TNKS1BP1: variants seen among roughly 807,000 people sequenced by gnomAD.
TNKS1BP1 encodes the protein 182 kDa tankyrase-1-binding protein.
A neutral mutation model predicts 141.1 loss-of-function variants in TNKS1BP1; 48 were observed. The observed-to-expected ratio is 0.34, with a 90% CI of 0.27 to 0.43. TNKS1BP1 has a LOEUF of 0.43. TNKS1BP1 is among the 20% of genes least tolerant of loss of function. TNKS1BP1 has a pLI of 1.00. For missense variants in TNKS1BP1, 2,149 were observed against 2,226.0 expected (o/e 0.97, Z 0.70); for synonymous variants, 875 against 898.2 (o/e 0.97, Z 0.46).
chr11:57,313,579 G>A lies in TNKS1BP1; in HGVS notation c.1109C>T (p.Pro370Leu), dbSNP rs1855751104. ...ATGGGGCTCCAAGACCTCAGGGGGT[G>A]GGCTGCTGGGTCTGGGGGCCTCTGG... Reference protein sequence around the residue: ...GAPEAPRPSSPPPEVLEPHSL... With the variant: ...GAPEAPRPSSLPPEVLEPHSL... Residue 370 changes from proline (P) to leucine (L), a missense_variant, in exon 5 of 12, where the codon CCA (proline) becomes CTA (leucine). Physicochemically the swap from Pro to Leu is moderately conservative, Grantham distance 98. Transcript: ENST00000358252. 6.3e-7 allele frequency: 1 copy of A among 1,591,448 alleles called. No individual in the cohort carries two copies. Among genetic ancestry groups the A allele is most frequent in the Non-Finnish European group, 8.5e-7 (1 of 1,170,546 alleles).
At chr11:57,304,496 G>A (rs768850046) in intron 6 of TNKS1BP1, among the ~76,000 whole-genome samples, 2 of 152,162 alleles carry the variant, frequency 1.3e-5, no homozygotes, top group South Asian at 4.1e-4. Context: ...GGTGGCAACA[G>A]CACCCCACCC....
At position 57,324,893 on chromosome 11, in the gene TNKS1BP1, GCCGCCGCCGCCGCTGCTA is replaced by G. The variant is rs1266005390; in HGVS notation, c.-137_-120del. The stretch of plus-strand genomic sequence containing the variant: ...GCTCGGGGCCCCGATGCCAGTCCCC[GCCGCCGCCGCCGCTGCTA>G]CCGCCGCCGCCGCCGCCGTCACCGC... On this transcript the variant is annotated 5_prime_UTR_variant, in exon 1 of 12. Coordinates refer to ENST00000358252, the MANE Select transcript of TNKS1BP1 (RefSeq NM_033396.3). 8.2e-6 allele frequency: 8 copies of G among 977,350 alleles called. No individual in the cohort carries two copies. Among genetic ancestry groups the G allele is most frequent in the Admixed American group, 6.3e-5 (1 of 15,960 alleles). The allele number at this position is 977,350 out of a possible 1,614,324, so 60.5% of individuals were successfully genotyped here.
In TNKS1BP1 at chr11:57,302,671, C is replaced by T. The variant is rs1855544946; in HGVS notation, c.4471G>A (p.Ala1491Thr). ...LLEEEGAGAG[A>T]AQEEVLEPGR... Reference sequence around the variant, plus strand: ...GGCTCCAGCACCTCCTCTTGGGCAGCACCTGCCCCGGCTCCTTCCTCCTCC... The same window carrying T: ...GGCTCCAGCACCTCCTCTTGGGCAGTACCTGCCCCGGCTCCTTCCTCCTCC... The change falls in exon 7 of 12, where the codon GCT becomes ACT. Residue 1491 changes from alanine (A) to threonine (T), a missense_variant. Ala to Thr is a moderately conservative substitution (Grantham distance 58). Coordinates refer to ENST00000358252, the MANE Select transcript of TNKS1BP1 (RefSeq NM_033396.3). This position sits in a 1 kb window ranked among gnomAD's most constrained non-coding sequence, Gnocchi z 5.5. 1 of 1,608,186 alleles carries T rather than the reference C, an allele frequency of 6.2e-7. No individual in the cohort carries two copies.
intron 10 of TNKS1BP1, 77 bp downstream of exon 10, chr11:57,300,807 T>TCATCAAA: frequency 6.4e-7 from 1 of 1,562,326 alleles, no homozygotes; most frequent in Non-Finnish European, 8.7e-7. Flanking sequence ...GTTTGCCTCT[T>TCATCAAA]CTGTGAAGTG....
In TNKS1BP1 at chr11:57,321,823, C is replaced by T; in HGVS notation, c.63G>A (p.Glu21=). Residue 21 remains glutamate, a synonymous_variant, in exon 2 of 12, where the codon GAG becomes GAA. Transcript: ENST00000358252. Reference sequence around the variant, plus strand: ...CAGAGCCAGTAGGCACCAGCTCCTCCTCCATCTCCCGGGGCAGTGGGGAAG... The same window carrying T: ...CAGAGCCAGTAGGCACCAGCTCCTCTTCCATCTCCCGGGGCAGTGGGGAAG... ...AMASPLPREM[E]EELVPTGSEP... is the part of the protein sequence containing the mutation. 4 of 1,614,142 alleles carry T rather than the reference C, an allele frequency of 2.5e-6. No homozygotes were observed. The highest frequency in any genetic ancestry group is 3.4e-6 in the Non-Finnish European group (4 of 1,180,028).
At position 57,321,962 on chromosome 11, in the gene TNKS1BP1, GAGAGA is replaced by G; in HGVS notation, c.-65-17_-65-13del. ...GGGTGGCTGCAGACCTAGGAAAAGA[GAGAGA>G]AGAGAAGGAAAAAAAGAGTTGGGCG... On this transcript the variant is annotated splice_polypyrimidine_tract_variant and intron_variant, in intron 1 of 11. Coordinates refer to ENST00000358252, the MANE Select transcript of TNKS1BP1 (RefSeq NM_033396.3). 3 of 1,562,810 alleles carry G rather than the reference GAGAGA, an allele frequency of 1.9e-6. No individual in the cohort carries two copies. Among genetic ancestry groups the G allele is most frequent in the Non-Finnish European group, 2.6e-6 (3 of 1,155,584 alleles).
chr11:57,313,034 G>C lies in TNKS1BP1; in HGVS notation c.1654C>G (p.Leu552Val). Reference sequence around the variant, plus strand: ...CTCTCCCCATCGCCCTTCTGGGTGAGGGACATGCTTGGATCATCCCCCTGC... The same window carrying C: ...CTCTCCCCATCGCCCTTCTGGGTGACGGACATGCTTGGATCATCCCCCTGC... ...WVQGDDPSMS[L>V]TQKGDGESQP... The change falls in exon 5 of 12, where the codon CTC (leucine) becomes GTC (valine). Residue 552 changes from leucine to valine, a missense_variant. By Grantham distance (32) the Leu-to-Val change is conservative. Coordinates refer to ENST00000358252, the MANE Select transcript of TNKS1BP1 (RefSeq NM_033396.3). 3 of 1,613,938 alleles carry C rather than the reference G, an allele frequency of 1.9e-6. No individual in the cohort carries two copies. The highest frequency in any genetic ancestry group is 2.5e-6 in the Non-Finnish European group (3 of 1,180,028).
rs1408372363 is a variant in TNKS1BP1 at position 57,313,150 on chromosome 11, C to G, written c.1538G>C (p.Gly513Ala). The change falls in exon 5 of 12, where the codon GGC (glycine) becomes GCC (alanine). Residue 513 changes from glycine (G) to alanine (A), a missense_variant. Transcript: ENST00000358252. Reference protein sequence around the residue: ...ASEAAEAAEAGNLAVSSREEG... With the variant: ...ASEAAEAAEAANLAVSSREEG... ...TTCCCTGCTGGAAACGGCCAAGTTG[C>G]CAGCCTCAGCAGCCTCGGCGGCCTC... The G allele has an allele frequency of 6.2e-7, 1 of 1,612,934 alleles. No homozygotes were observed. Among genetic ancestry groups the G allele is most frequent in the Non-Finnish European group, 8.5e-7 (1 of 1,180,032 alleles).
chr11:57,301,907 T>A lies in TNKS1BP1; in HGVS notation c.4871A>T (p.Glu1624Val). 6.2e-7 allele frequency: 1 copy of A among 1,613,872 alleles called. No homozygotes were observed. The highest frequency in any genetic ancestry group is 1.7e-5 in the Admixed American group (1 of 59,974). The change falls in exon 9 of 12, where the codon GAG (glutamate) becomes GTG (valine). Residue 1624 changes from glutamate to valine, a missense_variant. Physicochemically the swap from Glu to Val is moderately radical, Grantham distance 121. Coordinates refer to ENST00000358252, the MANE Select transcript of TNKS1BP1 (RefSeq NM_033396.3). ...RASRVPSSDE[E>V]VVEEPQSRRT... ...GCGGCTCTGAGGTTCCTCCACTACC[T>A]CTTCATCTGAAGATGGCACCCGAGA...
At chr11:57,322,254 T>C (rs1855900062) in intron 1 of TNKS1BP1, 4 of 1,057,222 alleles carry the variant, frequency 3.8e-6, no homozygotes, top group Non-Finnish European at 4.6e-6. Flanking sequence ...ACAGTGCCCC[T>C]TGGGTAGGAC....
Position 57,301,093 on chromosome 11 carries a change from C to T in TNKS1BP1, c.4972-52G>A, listed in dbSNP as rs769668765. 1.1e-5 allele frequency: 16 copies of T among 1,521,858 alleles called. No individual in the cohort carries two copies. The Admixed American group carries it at 3.2e-4, about 30-fold the overall frequency. 94.3% of individuals were successfully genotyped at this position (1,521,858 alleles called of 1,614,324 possible). A position where few individuals can be genotyped will look rare whatever the true frequency, so the allele number is the denominator to read the frequency against. On this transcript the variant is annotated intron_variant, in intron 9 of 11. Coordinates refer to ENST00000358252, the MANE Select transcript of TNKS1BP1 (RefSeq NM_033396.3). The stretch of plus-strand genomic sequence containing the variant: ...GATAGTAGAGGGACAGGCAGTAGGA[C>T]TCTCAGGGGGTAAGACCTTATCTCA...
chr11:57,318,377 G>T (rs549881356), intron 3 of TNKS1BP1, among the ~76,000 whole-genome samples: 1 of 152,366 alleles, frequency 6.6e-6, no homozygotes, highest in Admixed American at 6.5e-5. Flanking sequence ...GAAGATGGCG[G>T]GTGGAACCCA....
chr11:57,311,468 C>T lies in TNKS1BP1; in HGVS notation c.2155-912G>A, dbSNP rs533814191. On this transcript the variant is annotated intron_variant, in intron 5 of 11. Coordinates refer to ENST00000358252, the MANE Select transcript of TNKS1BP1 (RefSeq NM_033396.3). ...GCTGGGACCTGTCCGACGGCTCTGG[C>T]GCTGGCTCTCCCTCACCCTGGCCCT... 15 of 985,876 alleles carry T rather than the reference C, an allele frequency of 1.5e-5. No homozygotes were observed. In the South Asian group the frequency reaches 3.3e-4, roughly 22 times the overall value. The allele number at this position is 985,876 out of a possible 1,614,324, so 61.1% of individuals were successfully genotyped here.
intron 4 of TNKS1BP1, among the ~76,000 whole-genome samples, chr11:57,316,242 T>C (rs919358962): frequency 2.0e-5 from 3 of 152,098 alleles, no homozygotes; most frequent in Non-Finnish European, 4.4e-5. Flanking sequence ...CTGGAGGCTG[T>C]CTCCACTTGG....
At chr11:57,314,995 C>T (rs1232970664) in intron 4 of TNKS1BP1, among the ~76,000 whole-genome samples, 2 of 152,146 alleles carry the variant, frequency 1.3e-5, no homozygotes, top group East Asian at 3.9e-4. Flanking sequence ...TTGACCCTTA[C>T]GCACCCATCA....
In TNKS1BP1 at chr11:57,312,743, C is replaced by G; in HGVS notation, c.1945G>C (p.Glu649Gln). The G allele has an allele frequency of 2.5e-6, 4 of 1,590,308 alleles. No individual in the cohort carries two copies. The highest frequency in any genetic ancestry group is 3.4e-6 in the Non-Finnish European group (4 of 1,166,666). ...EPGQALPVEE[E>Q]AVTLARAETT... ...TCAGCCCGGGCTAGGGTCACGGCCT[C>G]CTCCTCAACAGGCAGTGCCTGTCCA... The change falls in exon 5 of 12, where the codon GAG becomes CAG. Residue 649 changes from glutamate (E) to glutamine (Q), a missense_variant. Transcript: ENST00000358252.
intron 5 of TNKS1BP1, chr11:57,311,440 C>T: frequency 5.1e-6 from 5 of 985,856 alleles, no homozygotes; most frequent in Non-Finnish European, 6.0e-6. Flanking sequence ...GGCTGCTACC[C>T]GCGCTGGGAC....
chr11:57,313,601 C>G lies in TNKS1BP1; in HGVS notation c.1087G>C (p.Glu363Gln), dbSNP rs775352559. 11 of 1,595,496 alleles carry G rather than the reference C, an allele frequency of 6.9e-6. No individual in the cohort carries two copies. Among genetic ancestry groups the G allele is most frequent in the Non-Finnish European group, 9.4e-6 (11 of 1,171,604 alleles). ...GGTGGGCTGCTGGGTCTGGGGGCCT[C>G]TGGAGCCCCCTCGGCAGGGAGCCCC... ...SPGLPAEGAP[E>Q]APRPSSPPPE... The change falls in exon 5 of 12, where the codon GAG becomes CAG. Residue 363 changes from glutamate to glutamine, a missense_variant. Physicochemically the swap from Glu to Gln is conservative, Grantham distance 29. Transcript: ENST00000358252.
chr11:57,308,480 C>T lies in TNKS1BP1; in HGVS notation c.4231G>A (p.Gly1411Ser), dbSNP rs746723223. The change falls in exon 6 of 12, where the codon GGT becomes AGT. Residue 1411 changes from glycine to serine, a missense_variant. Gly to Ser is a moderately conservative substitution (Grantham distance 56, BLOSUM62 0). Coordinates refer to ENST00000358252, the MANE Select transcript of TNKS1BP1 (RefSeq NM_033396.3). ...AAGGAAGACGAGGAGTAATCTTCAC[C>T]CTGGGTCTCTGGCCCACTTGTCTCA... ...VGETSGPETQ[G>S]EDYSSSSLEP... 2 of 1,614,168 alleles carry T rather than the reference C, an allele frequency of 1.2e-6. No homozygotes were observed. Among genetic ancestry groups the T allele is most frequent in the Non-Finnish European group, 1.7e-6 (2 of 1,180,022 alleles).
Sources: gnomAD v4.1 joint callset for allele counts (sites outside exome capture counted in the v4.1 genomes callset) on GRCh38, gnomAD v4.1.1 for gene constraint, Gnocchi (gnomAD v3.1) non-coding constraint, MANE v1.5 for transcripts, NCBI Gene and HGNC (gene_info 2026-07-23, HGNC 2026-07-21) for gene names.